The following TBC1D4 variants were observed in gnomAD, a reference collection of about 807,000 sequenced individuals.
TBC1D4 encodes the protein TBC1 domain family member 4, also known as TBC (Tre-2, BUB2, CDC16) domain-containing protein.
TBC1D4 carries 121 observed loss-of-function variants against 142.5 expected under a neutral mutation model. The observed-to-expected ratio is 0.85, with a 90% CI of 0.73 to 0.99. TBC1D4 has a LOEUF of 0.99. Among genes scored for constraint, TBC1D4 ranks in the 50% least tolerant of loss-of-function variants. TBC1D4 has a pLI of 0.00. For synonymous variants in TBC1D4, 630 were observed against 628.2 expected (o/e 1.00, Z -0.04); for missense variants, 1,475 against 1,606.6 (o/e 0.92, Z 1.40).
chr13:75,318,573 A>T (rs904147854), intron 12 of TBC1D4, among the ~76,000 whole-genome samples: 8 of 152,212 alleles, frequency 5.3e-5, no homozygotes, highest in Non-Finnish European at 1.2e-4. Flanking sequence ...TTTCTACAGG[A>T]TCCACAGTAT....
In TBC1D4 at chr13:75,470,465, G is replaced by C. The variant is rs1462623495; in HGVS notation, c.498+10805C>G. Among the ~76,000 whole-genome samples, 3 of 152,256 alleles carry C rather than the reference G, an allele frequency of 2.0e-5. No individual in the cohort carries two copies. In the South Asian group the frequency reaches 6.2e-4, roughly 32 times the overall value. On this transcript the variant is annotated intron_variant, in intron 1 of 20. Coordinates refer to ENST00000377636, the MANE Select transcript of TBC1D4 (RefSeq NM_014832.5). Reference sequence around the variant, plus strand: ...CTAGACTTACTGAATCAAAAACTCCGGGGGTCAGGGTTGGGGTCCAGCAAT... The same window carrying C: ...CTAGACTTACTGAATCAAAAACTCCCGGGGTCAGGGTTGGGGTCCAGCAAT...
At chr13:75,360,551 T>A (rs1241171243) in intron 2 of TBC1D4, among the ~76,000 whole-genome samples, 1 of 49,872 alleles carries the variant, frequency 2.0e-5, no homozygotes, top group Admixed American at 2.5e-4. Flanking sequence ...TTTTTTTTTT[T>A]AATCAGGGGT....
chr13:75,317,723 T>TA (rs1173078040), intron 12 of TBC1D4, among the ~76,000 whole-genome samples: 2 of 152,188 alleles, frequency 1.3e-5, no homozygotes, highest in South Asian at 2.1e-4. Context: ...TTGACAAAGT[T>TA]AAAAAATGAA....
chr13:75,324,683 A>C (rs77086530), intron 10 of TBC1D4, among the ~76,000 whole-genome samples: 2,064 of 152,334 alleles, frequency 0.014, 49 homozygotes, highest in African/African-American at 0.047. Context: ...GAGGACAAAA[A>C]GTATTTGTTT....
intron 7 of TBC1D4, among the ~76,000 whole-genome samples, chr13:75,337,627 C>T (rs1880333338): frequency 6.6e-6 from 1 of 152,170 alleles, no homozygotes; most frequent in Admixed American, 6.5e-5. Context: ...ATGTATATCA[C>T]ATGGTCCTTA....
intron 1 of TBC1D4, among the ~76,000 whole-genome samples, chr13:75,379,396 T>A (rs1883693334): frequency 6.6e-6 from 1 of 152,206 alleles, no homozygotes; most frequent in African/African-American, 2.4e-5. Context: ...ACTGTCTTTT[T>A]AAAGTCTGCC....
intron 13 of TBC1D4, among the ~76,000 whole-genome samples, chr13:75,310,855 A>G (rs1877677801): frequency 6.6e-6 from 1 of 151,958 alleles, no homozygotes; most frequent in African/African-American, 2.4e-5. Flanking sequence ...CTTTGTTTCT[A>G]TGTGTACTCA....
At chr13:75,399,624 T>C (rs1365965399) in intron 1 of TBC1D4, among the ~76,000 whole-genome samples, 1 of 152,206 alleles carries the variant, frequency 6.6e-6, no homozygotes, top group African/African-American at 2.4e-5. Flanking sequence ...GCTGGGCATC[T>C]TGGGAGTGAG....
At chr13:75,411,911 A>G (rs1319926677) in intron 1 of TBC1D4, among the ~76,000 whole-genome samples, 2 of 152,130 alleles carry the variant, frequency 1.3e-5, no homozygotes, top group Middle Eastern at 3.2e-3. Context: ...TATTAACTTT[A>G]GTTAATCCCA....
intron 1 of TBC1D4, among the ~76,000 whole-genome samples, chr13:75,415,254 A>G (rs7990050): frequency 0.86 from 130,609 of 152,174 alleles, 56,373 homozygotes; most frequent in East Asian, 0.97. Flanking sequence ...GACATACTGA[A>G]TTAGGACTGA....
At chr13:75,327,905 G>A in intron 8 of TBC1D4, 79 bp from the exon 9 acceptor site, 1 of 1,417,498 alleles carries the variant, frequency 7.1e-7, no homozygotes, top group Non-Finnish European at 9.9e-7. Context: ...GTTCCAGGTG[G>A]TCTCTTAATG....
chr13:75,404,704 C>T (rs1035445531), intron 1 of TBC1D4, among the ~76,000 whole-genome samples: 62 of 152,240 alleles, frequency 4.1e-4, no homozygotes, highest in African/African-American at 1.1e-3. Flanking sequence ...CGAGGGACTA[C>T]GGATAATTCT....
At chr13:75,417,652 C>T (rs1362451484) in intron 1 of TBC1D4, among the ~76,000 whole-genome samples, 2 of 152,024 alleles carry the variant, frequency 1.3e-5, no homozygotes, top group Non-Finnish European at 2.9e-5. Context: ...GATGTGGCCT[C>T]CTTTAAGGAA....
chr13:75,345,115 G>C (rs1416041577), intron 5 of TBC1D4, among the ~76,000 whole-genome samples: 2 of 152,152 alleles, frequency 1.3e-5, no homozygotes, highest in African/African-American at 4.8e-5. Flanking sequence ...AAGCCAATTA[G>C]GCAAGTCCAA....
At chr13:75,423,968 A>G (rs1335400973) in intron 1 of TBC1D4, among the ~76,000 whole-genome samples, 2 of 152,240 alleles carry the variant, frequency 1.3e-5, no homozygotes, top group Non-Finnish European at 2.9e-5. Flanking sequence ...TAAATGTTAT[A>G]TTACGTGTAT....
intron 10 of TBC1D4, among the ~76,000 whole-genome samples, chr13:75,325,956 T>C (rs543750112): frequency 4.6e-5 from 7 of 152,364 alleles, no homozygotes; most frequent in African/African-American, 1.7e-4. Flanking sequence ...TCTTGTTTTT[T>C]CTATTTTTCT....
At chr13:75,409,995 T>C (rs1885548098) in intron 1 of TBC1D4, among the ~76,000 whole-genome samples, 1 of 152,342 alleles carries the variant, frequency 6.6e-6, no homozygotes, top group Admixed American at 6.5e-5. Context: ...TTTAAATTTG[T>C]TCACCAAATT....
chr13:75,368,718 G>T (rs182276513), intron 1 of TBC1D4, among the ~76,000 whole-genome samples: 43 of 152,216 alleles, frequency 2.8e-4, no homozygotes, highest in Middle Eastern at 6.8e-3. Flanking sequence ...TAACTCACAG[G>T]AAAAAATCTG....
At chr13:75,367,916 G>T (rs1397055954) in intron 1 of TBC1D4, among the ~76,000 whole-genome samples, 1 of 152,100 alleles carries the variant, frequency 6.6e-6, no homozygotes, top group Non-Finnish European at 1.5e-5. Context: ...CCAAGTATCA[G>T]TTCATTTGTA....
Sources: allele counts gnomAD v4.1 joint callset (sites outside exome capture counted in the v4.1 genomes callset), GRCh38; gene constraint gnomAD v4.1.1; transcripts MANE v1.5; gene names NCBI Gene and HGNC (gene_info 2026-07-23, HGNC 2026-07-21).